Variants in GNG2 observed in about 807,000 individuals in gnomAD.
GNG2 encodes the protein guanine nucleotide-binding protein G(I)/G(S)/G(O) subunit gamma-2.
Under a neutral mutation model 5.5 loss-of-function variants are expected in GNG2, and 5 were observed. The ratio of observed to expected loss-of-function variants is 0.91; its 90% CI spans 0.48 to 1.92. The LOEUF (loss-of-function observed/expected upper bound fraction) is 1.92. Among genes scored for constraint, GNG2 ranks in the 30% most tolerant of loss-of-function variants. The pLI is 0.01. For missense variants in GNG2, 55 were observed against 88.4 expected, an observed-to-expected ratio of 0.62 and a Z score of 1.52; for synonymous variants, 28 against 32.0, an observed-to-expected ratio of 0.88 and a Z score of 0.42.
At chr14:51,965,379 T>C (rs1889834681) in intron 3 of GNG2, among the ~76,000 whole-genome samples, 1 of 152,150 alleles carries the variant, frequency 6.6e-6, no homozygotes, top group Non-Finnish European at 1.5e-5. Flanking sequence ...CAAATGGCAT[T>C]CCCCAGGTTG....
intron 2 of GNG2, among the ~76,000 whole-genome samples, chr14:51,911,635 T>TTGGGAGA (rs1555353899): frequency 5.3e-5 from 8 of 149,708 alleles, no homozygotes; most frequent in East Asian, 4.2e-4. Context: ...CCTCTAACTC[T>TTGGGAGA]TGGGCTCATG....
At chr14:51,965,392 C>T (rs1889835368) in intron 3 of GNG2, among the ~76,000 whole-genome samples, 1 of 152,150 alleles carries the variant, frequency 6.6e-6, no homozygotes, top group Non-Finnish European at 1.5e-5. Flanking sequence ...CCAGGTTGAT[C>T]ATTTACCTAG....
intron 2 of GNG2, among the ~76,000 whole-genome samples, chr14:51,923,442 A>AATAT (rs779802129): frequency 2.0e-5 from 3 of 150,030 alleles, no homozygotes; most frequent in African/African-American, 7.3e-5. Context: ...TACATACACA[A>AATAT]ATATATATAT....
chr14:51,960,773 A>G (rs144035744), intron 3 of GNG2, among the ~76,000 whole-genome samples: 1 of 152,266 alleles, frequency 6.6e-6, no homozygotes, highest in Non-Finnish European at 1.5e-5. Context: ...ATCACTAATG[A>G]AGTAATAACC....
chr14:51,884,242 A>G (rs998416510), intron 2 of GNG2, among the ~76,000 whole-genome samples: 1 of 152,234 alleles, frequency 6.6e-6, no homozygotes, highest in Non-Finnish European at 1.5e-5. Context: ...AAAATGTCAG[A>G]ACCAAAGTGA....
intron 1 of GNG2, among the ~76,000 whole-genome samples, 199 bp downstream of exon 1, chr14:51,860,989 T>G (rs1882437715): frequency 1.3e-5 from 2 of 152,126 alleles, no homozygotes; most frequent in East Asian, 3.9e-4. Flanking sequence ...TCATCAGTGC[T>G]TAGATTTGAT....
chr14:51,955,605 T>G (rs528016181), intron 3 of GNG2, among the ~76,000 whole-genome samples: 31 of 152,324 alleles, frequency 2.0e-4, no homozygotes, highest in African/African-American at 7.0e-4. Context: ...ATATTCCCCA[T>G]GACATTCCCA....
intron 1 of GNG2, among the ~76,000 whole-genome samples, chr14:51,827,314 G>A (rs1881055532): frequency 6.6e-6 from 1 of 152,150 alleles, no homozygotes; most frequent in Non-Finnish European, 1.5e-5. Context: ...CCTCAAACTG[G>A]CAGTATCAAT....
intron 2 of GNG2, among the ~76,000 whole-genome samples, chr14:51,851,306 T>C (rs894388990): frequency 2.6e-5 from 4 of 152,340 alleles, no homozygotes; most frequent in Admixed American, 2.6e-4. Context: ...CTACACAAAA[T>C]CTACACAGAA....
chr14:51,863,156 A>G (rs1882639163), intron 1 of GNG2, among the ~76,000 whole-genome samples: 1 of 152,204 alleles, frequency 6.6e-6, no homozygotes, highest in Admixed American at 6.5e-5. Flanking sequence ...TAAAAGCTGT[A>G]TAGTCAAAGT....
At chr14:51,837,184 T>C (rs1365310057) in intron 2 of GNG2, among the ~76,000 whole-genome samples, 2 of 151,844 alleles carry the variant, frequency 1.3e-5, no homozygotes, top group African/African-American at 2.4e-5. Context: ...GTTGATGAAA[T>C]AAAAATAAAC....
chr14:51,867,680 C>T (rs932741922), intron 1 of GNG2, among the ~76,000 whole-genome samples: 2 of 152,140 alleles, frequency 1.3e-5, no homozygotes, highest in African/African-American at 4.8e-5. Context: ...TAAGTTAGTT[C>T]CTGCTTCCCC....
chr14:51,836,965 C>A (rs1194363376), intron 2 of GNG2, among the ~76,000 whole-genome samples: 1 of 148,920 alleles, frequency 6.7e-6, no homozygotes, highest in African/African-American at 2.5e-5. Flanking sequence ...TCAAGCGATT[C>A]TCCTGCCTCA....
chr14:51,894,567 A>G (rs943351819), intron 2 of GNG2, among the ~76,000 whole-genome samples: 3 of 152,264 alleles, frequency 2.0e-5, no homozygotes, highest in East Asian at 3.9e-4. Context: ...GTTAGGCAGG[A>G]TGTTTCTTCT....
At position 51,968,723 on chromosome 14, in the gene GNG2, CA is replaced by C. The variant is rs1179432261; in HGVS notation, c.*2037del. The C allele has an allele frequency of 5.3e-5, 8 of 152,296 alleles. No individual in the cohort carries two copies. The highest frequency in any genetic ancestry group is 7.4e-5 in the Non-Finnish European group (5 of 68,020). The allele number at this position is 152,296 out of a possible 1,614,324, so 9.4% of individuals were successfully genotyped here. ...CTATGGAATAAGCTAAAACATATCA[CA>C]GTTTTTACATGGGCCAAAACATGAA... is the stretch of plus-strand genomic sequence containing the variant. On this transcript the variant is annotated 3_prime_UTR_variant, in exon 4 of 4. Transcript: ENST00000556766.
chr14:51,889,129 T>C (rs1202075360), intron 2 of GNG2, among the ~76,000 whole-genome samples: 1 of 149,930 alleles, frequency 6.7e-6, no homozygotes, highest in Admixed American at 6.6e-5. Flanking sequence ...TTTTTTTTTT[T>C]TGAGATGGAG....
At chr14:51,856,852 T>C (rs950096963), upstream of GNG2, among the ~76,000 whole-genome samples, 4 of 152,250 alleles carry the variant, frequency 2.6e-5, no homozygotes, top group African/African-American at 9.6e-5. Context: ...ATAACAAATA[T>C]TCAGAATTTT....
intron 2 of GNG2, among the ~76,000 whole-genome samples, chr14:51,891,036 T>G (rs1884818705): frequency 6.6e-6 from 1 of 152,162 alleles, no homozygotes; most frequent in Non-Finnish European, 1.5e-5. Context: ...TGGGTCAATT[T>G]TGGGGAAGGC....
chr14:51,906,229 CCTT>C (rs1273700981), intron 2 of GNG2, among the ~76,000 whole-genome samples: 1 of 152,210 alleles, frequency 6.6e-6, no homozygotes, highest in Admixed American at 6.5e-5. Flanking sequence ...CCTCCTGCCT[CCTT>C]CTTTATTTAA....
Sources: gnomAD v4.1 joint callset for allele counts (sites outside exome capture counted in the v4.1 genomes callset) on GRCh38, gnomAD v4.1.1 for gene constraint, MANE v1.5 for transcripts, NCBI Gene and HGNC (gene_info 2026-07-23, HGNC 2026-07-21) for gene names.